Variants in MLLT3 observed in about 807,000 individuals in gnomAD.
MLLT3 encodes the protein MLLT3 super elongation complex subunit.
MLLT3 carries 4 observed loss-of-function variants against 53.2 expected under a neutral mutation model. The ratio of observed to expected loss-of-function variants is 0.08; its 90% CI spans 0.04 to 0.17. MLLT3 has a LOEUF of 0.17. MLLT3 is among the 10% of genes least tolerant of loss of function. The pLI, the probability that MLLT3 is intolerant of heterozygous loss-of-function variation, is 1.00. For synonymous variants in MLLT3, 283 were observed against 230.6 expected, an observed-to-expected ratio of 1.23 and a Z score of -2.06; for missense variants, 569 against 684.0, an observed-to-expected ratio of 0.83 and a Z score of 1.87.
Position 20,528,640 on chromosome 9 carries a change from T to C in MLLT3, c.194-71854A>G, listed in dbSNP as rs530261337. Among the ~76,000 whole-genome samples, 7 of 152,324 alleles carry C rather than the reference T, an allele frequency of 4.6e-5. No homozygotes were observed. The South Asian group carries it at 1.2e-3, about 27-fold the overall frequency. On this transcript the variant is annotated intron_variant, in intron 2 of 10. Coordinates refer to ENST00000380338, the MANE Select transcript of MLLT3 (RefSeq NM_004529.4). ...TTGTGGCCCCATCACTCCATGTGTG[T>C]CTCCATCTTCACAGTGCCTTCGCCT...
chr9:20,364,548 A>G (rs937980657), intron 6 of MLLT3, among the ~76,000 whole-genome samples: 7 of 152,232 alleles, frequency 4.6e-5, no homozygotes, highest in Non-Finnish European at 7.3e-5. Context: ...TATCTGAGCT[A>G]TTACTATCTT....
intron 3 of MLLT3, among the ~76,000 whole-genome samples, chr9:20,452,345 A>T (rs530725459): frequency 7.1e-4 from 108 of 152,226 alleles, no homozygotes; most frequent in African/African-American, 2.5e-3. Flanking sequence ...TGATGGTTTT[A>T]TAAGGGGCTT....
chr9:20,511,610 G>C (rs1817750933), intron 2 of MLLT3, among the ~76,000 whole-genome samples: 1 of 152,198 alleles, frequency 6.6e-6, no homozygotes, highest in South Asian at 2.1e-4. Context: ...TAGAGCCCAG[G>C]ATTTCATGGC....
In MLLT3 at chr9:20,448,275, T is replaced by C; in HGVS notation, c.277-9A>G. 6.2e-7 allele frequency: 1 copy of C among 1,608,184 alleles called. No individual in the cohort carries two copies. Among genetic ancestry groups the C allele is most frequent in the Non-Finnish European group, 8.5e-7 (1 of 1,178,086 alleles). On this transcript the variant is annotated splice_polypyrimidine_tract_variant and intron_variant, in intron 3 of 10. Transcript: ENST00000380338. This position sits in a 1 kb window ranked among gnomAD's most constrained non-coding sequence, Gnocchi z 4.0. ...ACTTTCCTAGGTTCTTCCTGGAGGT[T>C]AACAAAAATTATGAAAGAAAAAAGA... is the stretch of plus-strand genomic sequence containing the variant.
At chr9:20,452,084 A>G in intron 3 of MLLT3, among the ~76,000 whole-genome samples, 1 of 152,224 alleles carries the variant, frequency 6.6e-6, no homozygotes, top group East Asian at 1.9e-4. Flanking sequence ...CAAGGACAGG[A>G]TATCTTTAAT....
At chr9:20,568,292 C>T (rs187789402) in intron 2 of MLLT3, among the ~76,000 whole-genome samples, 1 of 152,204 alleles carries the variant, frequency 6.6e-6, no homozygotes, top group Non-Finnish European at 1.5e-5. Context: ...GTACTGAATA[C>T]ACAGAGAATT....
intron 2 of MLLT3, among the ~76,000 whole-genome samples, chr9:20,535,895 A>G (rs1298867738): frequency 6.6e-6 from 1 of 152,162 alleles, no homozygotes; most frequent in Non-Finnish European, 1.5e-5. Context: ...ATTAGACCCA[A>G]TGAGGTTGCC....
rs1414403283 is a variant in MLLT3 at position 20,619,205 on chromosome 9, A to G, written c.193+1449T>C. Among the ~76,000 whole-genome samples, 5 of 152,234 alleles carry G rather than the reference A, an allele frequency of 3.3e-5. No homozygotes were observed. In the East Asian group the frequency reaches 9.6e-4, roughly 29 times the overall value. On this transcript the variant is annotated intron_variant, in intron 2 of 10. Transcript: ENST00000380338. The stretch of plus-strand genomic sequence containing the variant: ...CTATATTTTAACATAAAATGCTAAC[A>G]AATTTCAAATGTTATTTCCTATAGG...
chr9:20,392,846 A>T (rs1468655719), intron 5 of MLLT3, among the ~76,000 whole-genome samples: 1 of 152,182 alleles, frequency 6.6e-6, no homozygotes, highest in East Asian at 1.9e-4. Context: ...CTCAAGAATC[A>T]CCAGGTCCTC....
intron 2 of MLLT3, among the ~76,000 whole-genome samples, chr9:20,558,461 G>C (rs537758264): frequency 6.6e-6 from 1 of 151,936 alleles, no homozygotes; most frequent in Non-Finnish European, 1.5e-5. Flanking sequence ...TTTCCAACCC[G>C]AACTGCAATA....
chr9:20,396,161 T>G (rs1468751528), intron 5 of MLLT3, among the ~76,000 whole-genome samples: 1 of 105,978 alleles, frequency 9.4e-6, no homozygotes, highest in Non-Finnish European at 1.7e-5. Flanking sequence ...ATTTTCAGGG[T>G]TTTTTTTTTA....
intron 10 of MLLT3, among the ~76,000 whole-genome samples, chr9:20,349,276 T>C (rs1459515971): frequency 6.6e-6 from 1 of 152,184 alleles, no homozygotes; most frequent in East Asian, 1.9e-4. Flanking sequence ...CTTGTACAAG[T>C]TTGGGCAGAT....
intron 2 of MLLT3, among the ~76,000 whole-genome samples, chr9:20,571,295 G>A (rs947882949): frequency 1.3e-5 from 2 of 152,098 alleles, no homozygotes; most frequent in Non-Finnish European, 2.9e-5. Context: ...GTGTGCACAA[G>A]CACATGCACA....
intron 2 of MLLT3, among the ~76,000 whole-genome samples, chr9:20,575,331 T>G (rs985477885): frequency 2.6e-5 from 4 of 152,198 alleles, no homozygotes; most frequent in Admixed American, 6.5e-5. Context: ...CTATGGCAGC[T>G]ATAGCCATAG....
chr9:20,516,797 G>A (rs774400076), intron 2 of MLLT3, among the ~76,000 whole-genome samples: 1 of 152,132 alleles, frequency 6.6e-6, no homozygotes, highest in Non-Finnish European at 1.5e-5. Context: ...AGTTCAATGG[G>A]CAGGCTAAAA....
At chr9:20,468,455 G>A (rs187485563) in intron 2 of MLLT3, among the ~76,000 whole-genome samples, 15 of 152,240 alleles carry the variant, frequency 9.9e-5, no homozygotes, top group African/African-American at 3.6e-4. Flanking sequence ...CTAGAAACTC[G>A]TGAAGCCCAA....
At chr9:20,471,501 G>C (rs962204884) in intron 2 of MLLT3, among the ~76,000 whole-genome samples, 3 of 151,984 alleles carry the variant, frequency 2.0e-5, no homozygotes, top group African/African-American at 7.2e-5. Context: ...CAGCTAAACT[G>C]TGTTCTTTGC....
intron 2 of MLLT3, among the ~76,000 whole-genome samples, chr9:20,547,311 G>C (rs1587055032): frequency 6.6e-6 from 1 of 151,820 alleles, no homozygotes. Flanking sequence ...TGGAATTACA[G>C]GTGTGAGCTA....
intron 2 of MLLT3, 101 bp from the exon 3 acceptor site, chr9:20,456,887 C>A (rs568081751): frequency 3.7e-6 from 3 of 819,066 alleles, no homozygotes; most frequent in Non-Finnish European, 5.7e-6. Flanking sequence ...AGATCACACG[C>A]AATTTTCATA....
Sources: gnomAD v4.1 joint callset for allele counts (sites outside exome capture counted in the v4.1 genomes callset) on GRCh38, gnomAD v4.1.1 for gene constraint, Gnocchi (gnomAD v3.1) non-coding constraint, MANE v1.5 for transcripts, NCBI Gene and HGNC (gene_info 2026-07-23, HGNC 2026-07-21) for gene names.